Variants in TACC2 observed in about 807,000 individuals in gnomAD.
TACC2 encodes the protein transforming acidic coiled-coil containing protein 2, also known as transforming acidic coiled-coil-containing protein 2.
TACC2 carries 137 observed loss-of-function variants against 227.3 expected under a neutral mutation model. The observed-to-expected ratio is 0.60, with a 90% CI of 0.52 to 0.69. The LOEUF (loss-of-function observed/expected upper bound fraction) is 0.69. Among genes scored for constraint, TACC2 ranks in the 30% least tolerant of loss-of-function variants. The probability of loss-of-function intolerance (pLI) is 0.00; values close to 1 mark genes in which losing one functional copy is unlikely to be tolerated. For synonymous variants in TACC2, 1,523 were observed against 1,487.5 expected (o/e 1.02, Z -0.55); for missense variants, 3,470 against 3,694.4 (o/e 0.94, Z 1.57).
At chr10:122,233,018 C>T (rs2095788997) in intron 16 of TACC2, among the ~76,000 whole-genome samples, 1 of 152,154 alleles carries the variant, frequency 6.6e-6, no homozygotes, top group Non-Finnish European at 1.5e-5. Context: ...CGGTTGTTCC[C>T]TAGAGCAGCT....
rs143288480 is a variant in TACC2 at position 122,233,196 on chromosome 10, G to A, written c.8127+2756G>A. On this transcript the variant is annotated intron_variant, in intron 16 of 22. Coordinates refer to ENST00000369005, the MANE Select transcript of TACC2 (RefSeq NM_206862.4). ...ATTACTTTCCTTCCACATCCTTCTGGTCAAACGGAATTTGGTTGTGTCCTC... is the reference window on the plus strand; with the variant it reads ...ATTACTTTCCTTCCACATCCTTCTGATCAAACGGAATTTGGTTGTGTCCTC... 1.3e-3 allele frequency among the ~76,000 whole-genome samples: 196 copies of A among 152,296 alleles called. 2 individuals are homozygous for A. Among genetic ancestry groups the A allele is most frequent in the African/African-American group, 4.4e-3 (183 of 41,558 alleles).
At chr10:122,019,394 C>T (rs1957066897) in intron 1 of TACC2, among the ~76,000 whole-genome samples, 1 of 152,206 alleles carries the variant, frequency 6.6e-6, no homozygotes, top group Non-Finnish European at 1.5e-5. Flanking sequence ...AAACAGGAAG[C>T]CCTGGGAGCA....
intron 5 of TACC2, among the ~76,000 whole-genome samples, chr10:122,117,904 C>G (rs780831076): frequency 6.6e-5 from 10 of 152,130 alleles, no homozygotes; most frequent in African/African-American, 9.7e-5. Flanking sequence ...CCTTTTATAC[C>G]CAGGACACCC....
At chr10:122,199,002 C>T in intron 8 of TACC2, among the ~76,000 whole-genome samples, 1 of 152,234 alleles carries the variant, frequency 6.6e-6, no homozygotes, top group East Asian at 1.9e-4. Flanking sequence ...TGACAGTTGC[C>T]CACCTGCCCT....
chr10:122,031,288 A>G (rs981962398), intron 2 of TACC2, among the ~76,000 whole-genome samples: 3 of 151,338 alleles, frequency 2.0e-5, no homozygotes, highest in African/African-American at 7.3e-5. Context: ...ATTGCGCTCT[A>G]CTTTCCTTTG....
chr10:122,158,097 G>C (rs554789631), intron 7 of TACC2, among the ~76,000 whole-genome samples: 1 of 151,940 alleles, frequency 6.6e-6, no homozygotes, highest in Non-Finnish European at 1.5e-5. Context: ...AGTGAGTCTC[G>C]ACTGGCTGTG....
intron 3 of TACC2, chr10:122,051,919 T>A (rs1276972593): frequency 3.9e-5 from 6 of 151,938 alleles, no homozygotes; most frequent in Non-Finnish European, 1.5e-5. Flanking sequence ...AGCTTTGGAT[T>A]TCTTTAGGGA....
At chr10:121,991,735 T>C (rs1325018883) in intron 1 of TACC2, among the ~76,000 whole-genome samples, 1 of 152,210 alleles carries the variant, frequency 6.6e-6, no homozygotes, top group Non-Finnish European at 1.5e-5. Flanking sequence ...TTTAGTGTAA[T>C]TTAAAACTTT....
intron 1 of TACC2, among the ~76,000 whole-genome samples, chr10:122,005,725 A>G (rs1457837466): frequency 2.6e-5 from 3 of 115,048 alleles, no homozygotes; most frequent in African/African-American, 6.9e-5. Context: ...ATGGAGTCTC[A>G]CTTTGTTGCC....
At chr10:121,995,622 G>A (rs1020881716) in intron 1 of TACC2, among the ~76,000 whole-genome samples, 1 of 152,164 alleles carries the variant, frequency 6.6e-6, no homozygotes, top group African/African-American at 2.4e-5. Context: ...GGTTCTGAAG[G>A]CTGTACAGGC....
intron 2 of TACC2, among the ~76,000 whole-genome samples, chr10:122,044,581 T>C (rs1257823302): frequency 6.6e-6 from 1 of 152,178 alleles, no homozygotes; most frequent in Non-Finnish European, 1.5e-5. Context: ...GACACTCTGG[T>C]CATGATCTAA....
rs993726815 is a variant in TACC2 at position 122,043,171 on chromosome 10, T to C, written c.34-7267T>C. ...CCAATTCTCTTTAAATCATATTGTT[T>C]CTAAAATATTAAATACATACAGGTC... On this transcript the variant is annotated intron_variant, in intron 2 of 22. Transcript: ENST00000369005. 5.9e-5 allele frequency among the ~76,000 whole-genome samples: 9 copies of C among 152,330 alleles called. No individual in the cohort carries two copies. In the South Asian group the frequency reaches 1.9e-3, roughly 32 times the overall value.
intron 3 of TACC2, among the ~76,000 whole-genome samples, chr10:122,064,863 T>C (rs1163969358): frequency 6.6e-6 from 1 of 152,212 alleles, no homozygotes; most frequent in Non-Finnish European, 1.5e-5. Flanking sequence ...ATTTGAGAGC[T>C]TGATGAATGC....
chr10:122,107,355 G>A (rs1383295121), intron 5 of TACC2, among the ~76,000 whole-genome samples: 4 of 152,018 alleles, frequency 2.6e-5, no homozygotes, highest in Admixed American at 2.0e-4. Flanking sequence ...TTGGGAGGCC[G>A]AGGCAGGTGG....
At chr10:122,032,239 T>C (rs547517284) in intron 2 of TACC2, among the ~76,000 whole-genome samples, 5 of 152,162 alleles carry the variant, frequency 3.3e-5, no homozygotes, top group Non-Finnish European at 5.9e-5. Flanking sequence ...ACATGGTCTT[T>C]TCTAACAGTT....
rs143206589 is a variant in TACC2 at position 121,997,755 on chromosome 10, C to T, written c.-46+8267C>T. 2.7e-4 allele frequency among the ~76,000 whole-genome samples: 41 copies of T among 152,284 alleles called. No homozygotes were observed. In the East Asian group the frequency reaches 6.6e-3, roughly 24 times the overall value. On this transcript the variant is annotated intron_variant, in intron 1 of 22. Transcript: ENST00000369005. Reference sequence around the variant, plus strand: ...GCCAGGGACATGCTGGGGTAGGGGACAGCTCTGCTGGCTAATAGGGGAGAG... The same window carrying T: ...GCCAGGGACATGCTGGGGTAGGGGATAGCTCTGCTGGCTAATAGGGGAGAG...
At chr10:122,062,654 A>G (rs2076967911) in intron 3 of TACC2, among the ~76,000 whole-genome samples, 1 of 152,112 alleles carries the variant, frequency 6.6e-6, no homozygotes, top group Admixed American at 6.6e-5. Flanking sequence ...GTGTAGCATA[A>G]TATTAAGCTC....
intron 7 of TACC2, among the ~76,000 whole-genome samples, chr10:122,152,745 C>G (rs921913230): frequency 6.6e-6 from 1 of 152,180 alleles, no homozygotes; most frequent in African/African-American, 2.4e-5. Flanking sequence ...ATCCTGCATC[C>G]TCACTCTCTG....
At position 122,237,439 on chromosome 10, in the gene TACC2, C is replaced by T. The variant is rs746985859; in HGVS notation, c.8172C>T (p.Ala2724=). The T allele has an allele frequency of 3.7e-6, 6 of 1,614,080 alleles. No individual in the cohort carries two copies. The South Asian group carries it at 5.5e-5, about 15-fold the overall frequency. Residue 2724 remains alanine (A), a synonymous_variant, in exon 17 of 23, where the codon GCC becomes GCT. Transcript: ENST00000369005. ...HPTDVSISKT[A]LYSRIGTAEV... is the part of the protein sequence containing the mutation. ...CAGACGTCTCCATCTCCAAAACAGC[C>T]TTGTACTCCCGCATCGGGACCGCTG...
Sources: gnomAD v4.1 joint callset for allele counts (sites outside exome capture counted in the v4.1 genomes callset) on GRCh38, gnomAD v4.1.1 for gene constraint, MANE v1.5 for transcripts, NCBI Gene and HGNC (gene_info 2026-07-23, HGNC 2026-07-21) for gene names.